ADAMTSL1: variants seen among roughly 807,000 people sequenced by gnomAD.
ADAMTSL1 encodes ADAMTS like 1.
ADAMTSL1 carries 126 observed loss-of-function variants against 201.8 expected under a neutral mutation model. That is an observed-to-expected ratio of 0.62 (90% CI 0.54 to 0.72). The LOEUF is 0.72. ADAMTSL1 is among the 30% of genes least tolerant of loss of function. The pLI, the probability that ADAMTSL1 is intolerant of heterozygous loss-of-function variation, is 0.00. For missense variants in ADAMTSL1, 2,679 were observed against 2,277.8 expected (o/e 1.18, Z -3.59); for synonymous variants, 1,121 against 903.4 (o/e 1.24, Z -4.32).
chr9:18,213,172 T>C (rs1829939818), intron 2 of ADAMTSL1, among the ~76,000 whole-genome samples: 1 of 152,180 alleles, frequency 6.6e-6, no homozygotes, highest in African/African-American at 2.4e-5. Flanking sequence ...CTTCCCTCTT[T>C]CCCCTCCTTG....
At chr9:18,723,817 G>A (rs1817697039) in intron 15 of ADAMTSL1, 1 of 152,238 alleles carries the variant, frequency 6.6e-6, no homozygotes, top group Non-Finnish European at 1.5e-5. Context: ...GTATAGAGGT[G>A]CCTTTCCTGT....
intron 1 of ADAMTSL1, among the ~76,000 whole-genome samples, chr9:18,048,530 C>T (rs988419750): frequency 6.6e-6 from 1 of 152,100 alleles, no homozygotes; most frequent in Non-Finnish European, 1.5e-5. Flanking sequence ...TATTGCATAA[C>T]ATGTAAATGT....
chr9:18,254,013 T>A (rs767476880), intron 2 of ADAMTSL1, among the ~76,000 whole-genome samples: 2 of 152,182 alleles, frequency 1.3e-5, no homozygotes, highest in African/African-American at 2.4e-5. Context: ...CCTGCCACTG[T>A]AGACCAGATA....
At chr9:18,582,246 C>T (rs183459869) in intron 4 of ADAMTSL1, among the ~76,000 whole-genome samples, 6 of 152,120 alleles carry the variant, frequency 3.9e-5, no homozygotes, top group East Asian at 1.9e-4. Flanking sequence ...AATGCTAGTA[C>T]CTTTTTGTTT....
chr9:18,265,926 C>T (rs1832102788), intron 2 of ADAMTSL1, among the ~76,000 whole-genome samples: 1 of 152,084 alleles, frequency 6.6e-6, no homozygotes, highest in South Asian at 2.1e-4. Context: ...GAAAGTTAGA[C>T]CTGGCTCCTG....
chr9:18,697,705 G>T (rs1403808541), intron 13 of ADAMTSL1, among the ~76,000 whole-genome samples: 1 of 152,220 alleles, frequency 6.6e-6, no homozygotes, highest in African/African-American at 2.4e-5. Flanking sequence ...TCGGCAATCA[G>T]TTGAAAGTGA....
In ADAMTSL1 at chr9:18,707,035, G is replaced by T. The variant is rs952234043; in HGVS notation, c.1863G>T (p.Glu621Asp). 1 of 1,613,272 alleles carries T rather than the reference G, an allele frequency of 6.2e-7. No homozygotes were observed. The highest frequency in any genetic ancestry group is 8.5e-7 in the Non-Finnish European group (1 of 1,179,502). ...ATGAGGGGTTCACCAAGTGCTCCGA[G>T]TCCTGTGGAGGAGGTAAGAAAGGGG... Reference protein sequence around the residue: ...WEYEGFTKCSESCGGGVQEAV... With the variant: ...WEYEGFTKCSDSCGGGVQEAV... The change falls in exon 14 of 29, where the codon GAG becomes GAT. Residue 621 changes from glutamate (E) to aspartate (D), a missense_variant. Transcript: ENST00000380548.
intron 4 of ADAMTSL1, among the ~76,000 whole-genome samples, chr9:18,586,691 A>G (rs1823511428): frequency 6.6e-6 from 1 of 152,186 alleles, no homozygotes; most frequent in Non-Finnish European, 1.5e-5. Flanking sequence ...CCTGACTTCA[A>G]ACTATAGTAC....
intron 24 of ADAMTSL1, among the ~76,000 whole-genome samples, chr9:18,888,329 A>C (rs1302916837): frequency 6.6e-6 from 1 of 152,204 alleles, no homozygotes; most frequent in Non-Finnish European, 1.5e-5. Flanking sequence ...TGGAAACACC[A>C]CTATATATCA....
chr9:17,949,320 G>A (rs1424574980), intron 1 of ADAMTSL1, among the ~76,000 whole-genome samples: 1 of 152,126 alleles, frequency 6.6e-6, no homozygotes, highest in Non-Finnish European at 1.5e-5. Context: ...GAGTGTGAGA[G>A]AGCTGAGATA....
chr9:18,506,471 G>A, intron 2 of ADAMTSL1, among the ~76,000 whole-genome samples: 1 of 152,174 alleles, frequency 6.6e-6, no homozygotes, highest in East Asian at 1.9e-4. Flanking sequence ...TCAGTGATGT[G>A]TATGTCAGCT....
At chr9:18,632,337 GT>G (rs1182102247) in intron 5 of ADAMTSL1, among the ~76,000 whole-genome samples, 1 of 152,076 alleles carries the variant, frequency 6.6e-6, no homozygotes. Context: ...TCCCTATTTT[GT>G]TTTTTGTTAA....
intron 9 of ADAMTSL1, among the ~76,000 whole-genome samples, chr9:18,671,997 T>A (rs376487474): frequency 2.0e-5 from 3 of 151,866 alleles, no homozygotes; most frequent in South Asian, 4.2e-4. Flanking sequence ...AGATCGCACC[T>A]CTGCACTCCA....
chr9:18,025,720 G>A (rs1461054601), intron 1 of ADAMTSL1, among the ~76,000 whole-genome samples: 1 of 151,926 alleles, frequency 6.6e-6, no homozygotes, highest in East Asian at 1.9e-4. Context: ...GCTTAGGATT[G>A]GTTTGGGTTT....
intron 1 of ADAMTSL1, among the ~76,000 whole-genome samples, chr9:17,990,167 G>A (rs912070374): frequency 2.0e-5 from 3 of 151,960 alleles, no homozygotes; most frequent in South Asian, 2.1e-4. Flanking sequence ...CAAAAGGGAA[G>A]CCATCTTGTA....
chr9:18,178,275 T>G (rs992255951), intron 2 of ADAMTSL1, among the ~76,000 whole-genome samples: 3 of 151,784 alleles, frequency 2.0e-5, no homozygotes, highest in Non-Finnish European at 2.9e-5. Flanking sequence ...AGACGGCACC[T>G]GGAAAATCGG....
In ADAMTSL1 at chr9:18,814,024, G is replaced by T. The variant is rs139389363; in HGVS notation, c.3806-3085G>T. Among the ~76,000 whole-genome samples the T allele has an allele frequency of 5.3e-5, 8 of 152,230 alleles. No homozygotes were observed. In the East Asian group the frequency reaches 1.5e-3, roughly 29 times the overall value. On this transcript the variant is annotated intron_variant, in intron 20 of 28. Coordinates refer to ENST00000380548, the MANE Select transcript of ADAMTSL1 (RefSeq NM_001040272.6). ...TGAGTTTTTATCATGAATGGATGTT[G>T]AATTTTGTCAACAGCTTTTTCTACA...
rs1242238404 is a variant in ADAMTSL1, at chr9:18,564,061, GA to G, written c.238-9962del. Among the ~76,000 whole-genome samples the G allele has an allele frequency of 5.9e-5, 9 of 152,094 alleles. 1 individual carries two copies. The South Asian group carries it at 6.2e-4, about 11-fold the overall frequency. ...GATATTCCAGGCGCCACTGGGGAATGAAAAAAACTCCTGCAGCTAGCTTGGT... is the reference window on the plus strand; with the variant it reads ...GATATTCCAGGCGCCACTGGGGAATGAAAAAACTCCTGCAGCTAGCTTGGT... On this transcript the variant is annotated intron_variant, in intron 3 of 28. Coordinates refer to ENST00000380548, the MANE Select transcript of ADAMTSL1 (RefSeq NM_001040272.6).
intron 13 of ADAMTSL1, among the ~76,000 whole-genome samples, chr9:18,691,992 G>A (rs961407845): frequency 1.8e-4 from 27 of 152,258 alleles, no homozygotes; most frequent in African/African-American, 6.5e-4. Flanking sequence ...GGCAGCTGTT[G>A]TATCTGCCTC....
Sources: allele counts gnomAD v4.1 joint callset (sites outside exome capture counted in the v4.1 genomes callset), GRCh38; gene constraint gnomAD v4.1.1; transcripts MANE v1.5; gene names NCBI Gene and HGNC (gene_info 2026-07-23, HGNC 2026-07-21).